Variants in RBM4 observed in about 807,000 individuals in gnomAD.
RBM4 encodes the protein RNA-binding protein 4.
Under a neutral mutation model 29.5 loss-of-function variants are expected in RBM4, and 7 were observed. That is an observed-to-expected ratio of 0.24 (90% CI 0.14 to 0.45). The LOEUF is 0.45. Ranked by LOEUF, RBM4 falls within the 20% of genes least tolerant of loss-of-function variation. The pLI is 1.00. For missense variants in RBM4, 387 were observed against 502.3 expected, an observed-to-expected ratio of 0.77 and a Z score of 2.19; for synonymous variants, 220 against 205.4, an observed-to-expected ratio of 1.07 and a Z score of -0.61.
At chr11:66,651,930 A>G (rs74565159) in intron 2 of RBM4, among the ~76,000 whole-genome samples, 1 of 51,952 alleles carries the variant, frequency 1.9e-5, no homozygotes, top group East Asian at 6.5e-4. Context: ...TACTTTCACT[A>G]TGGGGATTCA....
intron 2 of RBM4, among the ~76,000 whole-genome samples, chr11:66,655,969 G>C (rs1300699393): frequency 6.6e-6 from 1 of 151,962 alleles, no homozygotes; most frequent in Non-Finnish European, 1.5e-5. Flanking sequence ...AGACGGCCCT[G>C]AAGTATTCTT....
chr11:66,664,735 G>A (rs1483338203), intron 2 of RBM4, among the ~76,000 whole-genome samples: 1 of 152,202 alleles, frequency 6.6e-6, no homozygotes, highest in African/African-American at 2.4e-5. Context: ...GATTACAGGC[G>A]TGAGCCATCA....
In RBM4 at chr11:66,643,705, A is replaced by G. The variant is rs1363487249; in HGVS notation, c.668A>G (p.Lys223Arg). The change falls in exon 3 of 4, where the codon AAG (lysine) becomes AGG (arginine). Residue 223 changes from lysine (K) to arginine (R), a missense_variant. Physicochemically the swap from Lys to Arg is conservative, Grantham distance 26 (BLOSUM62 2). Around this residue, in one of 2 missense-constraint regions of RBM4, gnomAD observed 281 missense variants for 288.7 expected, o/e 0.97. Transcript: ENST00000310092. The surrounding 1 kb of genome is among the most constrained non-coding windows in gnomAD (Gnocchi z 6.1). ...TACGGAGCGCTCGATGCCTACTACAAGCGCTGCCGTGCTGCCCGGTCCTAT... is the reference window on the plus strand; with the variant it reads ...TACGGAGCGCTCGATGCCTACTACAGGCGCTGCCGTGCTGCCCGGTCCTAT... Reference protein sequence around the residue: ...NAYGALDAYYKRCRAARSYEA... With the variant: ...NAYGALDAYYRRCRAARSYEA... 65 of 1,614,014 alleles carry G rather than the reference A, an allele frequency of 4.0e-5. No individual in the cohort carries two copies. The highest frequency in any genetic ancestry group is 5.2e-5 in the Non-Finnish European group (61 of 1,180,024).
intron 2 of RBM4, among the ~76,000 whole-genome samples, chr11:66,658,405 C>A (rs1174862389): frequency 7.7e-6 from 1 of 130,490 alleles, no homozygotes; most frequent in Non-Finnish European, 1.6e-5. Context: ...TCAGAGATTC[C>A]CTGAAATCAT....
At chr11:66,647,686 CAG>C (rs1426654343), downstream of RBM4, among the ~76,000 whole-genome samples, 1 of 152,094 alleles carries the variant, frequency 6.6e-6, no homozygotes, top group African/African-American at 2.4e-5. Flanking sequence ...TGGAGACTAA[CAG>C]TATTCATTGA....
intron 3 of RBM4, chr11:66,644,637 C>G (rs1306698972): frequency 2.1e-6 from 2 of 966,384 alleles, no homozygotes; most frequent in African/African-American, 1.8e-5. Context: ...TGCTCAGGTC[C>G]CAGTTACTAA....
chr11:66,639,671 T>C (rs780936922), intron 1 of RBM4, 29 bp from the exon 2 acceptor site: 1 of 1,602,924 alleles, frequency 6.2e-7, no homozygotes, highest in South Asian at 1.1e-5. Flanking sequence ...CTGAGGTCTT[T>C]TGTCAGATGT....
intron 2 of RBM4, among the ~76,000 whole-genome samples, chr11:66,654,018 C>A (rs911077385): frequency 1.3e-5 from 2 of 151,980 alleles, no homozygotes; most frequent in African/African-American, 2.4e-5. Flanking sequence ...AACAGCAAGA[C>A]CCTCTCTAAA....
chr11:66,668,015 A>C (rs913455945), exon 3 of RBM4: 1 of 152,496 alleles, frequency 6.6e-6, no homozygotes. Context: ...TCAGGTAGCA[A>C]TTTTATTAGC....
At position 66,639,777 on chromosome 11, in the gene RBM4, C is replaced by G. The variant is rs779644868; in HGVS notation, c.66C>G (p.Phe22Leu). ...EATEQEIRSL[F>L]EQYGKVLECD... ...CAGAGCAGGAGATTCGCTCACTCTTCGAGCAGTATGGGAAGGTGCTGGAAT... is the reference window on the plus strand; with the variant it reads ...CAGAGCAGGAGATTCGCTCACTCTTGGAGCAGTATGGGAAGGTGCTGGAAT... Residue 22 changes from phenylalanine to leucine, a missense_variant, in exon 2 of 4, where the codon TTC (phenylalanine) becomes TTG (leucine). By Grantham distance (22) the Phe-to-Leu change is conservative (BLOSUM62 0). Around this residue, in one of 2 missense-constraint regions of RBM4, gnomAD observed 106 missense variants for 213.6 expected, o/e 0.50. Transcript: ENST00000310092. The G allele has an allele frequency of 1.2e-6, 2 of 1,614,118 alleles. No individual in the cohort carries two copies. The highest frequency in any genetic ancestry group is 1.7e-6 in the Non-Finnish European group (2 of 1,180,018).
Position 66,643,723 on chromosome 11 carries a change from G to A in RBM4, c.686G>A (p.Arg229Gln), listed in dbSNP as rs768616980. 4 of 1,613,954 alleles carry A rather than the reference G, an allele frequency of 2.5e-6. No homozygotes were observed. The highest frequency in any genetic ancestry group is 3.3e-5 in the Admixed American group (2 of 59,994). ...TACTACAAGCGCTGCCGTGCTGCCCGGTCCTATGAGGCAGTGGCAGCTGCA... is the reference window on the plus strand; with the variant it reads ...TACTACAAGCGCTGCCGTGCTGCCCAGTCCTATGAGGCAGTGGCAGCTGCA... ...DAYYKRCRAA[R>Q]SYEAVAAAAA... The change falls in exon 3 of 4, where the codon CGG becomes CAG. Residue 229 changes from arginine to glutamine, a missense_variant. Physicochemically the swap from Arg to Gln is conservative, Grantham distance 43. Coordinates refer to ENST00000310092, the MANE Select transcript of RBM4 (RefSeq NM_002896.4). This position sits in a 1 kb window ranked among gnomAD's most constrained non-coding sequence, Gnocchi z 6.1.
At chr11:66,647,640 T>G (rs1005951515), downstream of RBM4, among the ~76,000 whole-genome samples, 1 of 152,176 alleles carries the variant, frequency 6.6e-6, no homozygotes, top group Non-Finnish European at 1.5e-5. Flanking sequence ...AGTATACCCT[T>G]TGATCTGATG....
chr11:66,643,896 G>C lies in RBM4; in HGVS notation c.859G>C (p.Ala287Pro). The change falls in exon 3 of 4, where the codon GCT becomes CCT. Residue 287 changes from alanine to proline, a missense_variant. By Grantham distance (27) the Ala-to-Pro change is conservative. Around this residue, in one of 2 missense-constraint regions of RBM4, gnomAD observed 281 missense variants for 288.7 expected, o/e 0.97. Transcript: ENST00000310092. This position sits in a 1 kb window ranked among gnomAD's most constrained non-coding sequence, Gnocchi z 6.1. Reference sequence around the variant, plus strand: ...GACCTCAGGAGCTGCTGCCACAGCTGCTGCTGCAGCAGCAGCCGCTGCTGC... The same window carrying C: ...GACCTCAGGAGCTGCTGCCACAGCTCCTGCTGCAGCAGCAGCCGCTGCTGC... ...LPTSGAAATA[A>P]AAAAAAAAVT... is the part of the protein sequence containing the mutation. The C allele has an allele frequency of 1.2e-6, 2 of 1,611,630 alleles. No homozygotes were observed. The highest frequency in any genetic ancestry group is 8.5e-7 in the Non-Finnish European group (1 of 1,179,272).
intron 2 of RBM4, among the ~76,000 whole-genome samples, chr11:66,663,802 T>A (rs143371685): frequency 1.2e-4 from 18 of 151,932 alleles, no homozygotes; most frequent in African/African-American, 1.9e-4. Flanking sequence ...ATGTGATAGG[T>A]CCTTGGAGAG....
chr11:66,649,928 C>G (rs1275969414), downstream of RBM4: 1 of 553,144 alleles, frequency 1.8e-6, no homozygotes, highest in African/African-American at 1.9e-5. Flanking sequence ...TTTTTTTCCC[C>G]CATAGCATTT....
intron 1 of RBM4, 122 bp from the exon 2 acceptor site, chr11:66,639,578 G>GT (rs1938350393): frequency 8.4e-7 from 1 of 1,186,874 alleles, no homozygotes; most frequent in Non-Finnish European, 1.2e-6. Context: ...ATTGTGTGGA[G>GT]GTGTGTGTGC....
rs1267951070 is a variant in RBM4 at position 66,646,365 on chromosome 11, G to A, written c.*347G>A. Reference sequence around the variant, plus strand: ...GCTGTTGGATTTGGGAATGACCTTGGTGAGAGTCTCACTGCTCCAGGGTCT... The same window carrying A: ...GCTGTTGGATTTGGGAATGACCTTGATGAGAGTCTCACTGCTCCAGGGTCT... On this transcript the variant is annotated 3_prime_UTR_variant, in exon 4 of 4. Coordinates refer to ENST00000310092, the MANE Select transcript of RBM4 (RefSeq NM_002896.4). 8.2e-7 allele frequency: 1 copy of A among 1,212,404 alleles called. No individual in the cohort carries two copies. The highest frequency in any genetic ancestry group is 1.0e-6 in the Non-Finnish European group (1 of 967,628). The allele number at this position is 1,212,404 out of a possible 1,614,324, so 75.1% of individuals were successfully genotyped here.
chr11:66,648,803 G>A (rs1163575837), downstream of RBM4, among the ~76,000 whole-genome samples: 2 of 151,454 alleles, frequency 1.3e-5, no homozygotes, highest in African/African-American at 4.9e-5. Context: ...ACAAGGGCAA[G>A]ACTTCTCTCA....
At chr11:66,647,291 T>C (rs1253576955), downstream of RBM4, among the ~76,000 whole-genome samples, 1 of 152,218 alleles carries the variant, frequency 6.6e-6, no homozygotes, top group Admixed American at 6.5e-5. Context: ...TGGGTTATGA[T>C]GATGGGGAGA....
Sources: allele counts gnomAD v4.1 joint callset (sites outside exome capture counted in the v4.1 genomes callset), GRCh38; gene constraint gnomAD v4.1.1; regional missense constraint gnomAD v4.1.1; non-coding constraint Gnocchi (gnomAD v3.1); transcripts MANE v1.5; gene names NCBI Gene and HGNC (gene_info 2026-07-23, HGNC 2026-07-21).